The following GBF1 variants were observed in gnomAD, a reference collection of about 807,000 sequenced individuals.
GBF1 encodes golgi brefeldin A resistant guanine nucleotide exchange factor 1.
GBF1 carries 114 observed loss-of-function variants against 210.5 expected under a neutral mutation model. The ratio of observed to expected loss-of-function variants is 0.54; its 90% CI spans 0.47 to 0.63. GBF1 has a LOEUF of 0.63. Among genes scored for constraint, GBF1 ranks in the 30% least tolerant of loss-of-function variants. The pLI, the probability that GBF1 is intolerant of heterozygous loss-of-function variation, is 0.00. For missense variants in GBF1, 1,851 were observed against 2,357.7 expected, an observed-to-expected ratio of 0.79 and a Z score of 4.45; for synonymous variants, 850 against 889.2, an observed-to-expected ratio of 0.96 and a Z score of 0.78.
At chr10:102,353,577 T>G in intron 7 of GBF1, 23 bp from the exon 8 acceptor site, 1 of 1,542,654 alleles carries the variant, frequency 6.5e-7, no homozygotes, top group Non-Finnish European at 9.0e-7. Context: ...CTAATGACAG[T>G]TGATGGATTT....
chr10:102,380,212 A>G, intron 36 of GBF1, 37 bp from the exon 37 acceptor site: 1 of 1,377,958 alleles, frequency 7.3e-7, no homozygotes, highest in Non-Finnish European at 1.0e-6. Flanking sequence ...AGAGGCTCCT[A>G]CAGTCCCCTC....
the GBF1 span, chr10:102,230,859 G>C: frequency 6.2e-7 from 1 of 1,600,092 alleles, no homozygotes; most frequent in Non-Finnish European, 8.5e-7. Flanking sequence ...TGGGTGGCGA[G>C]AAGACGGGCT....
At chr10:102,285,670 GT>G (rs1371210385) in intron 3 of GBF1, among the ~76,000 whole-genome samples, 1 of 151,986 alleles carries the variant, frequency 6.6e-6, no homozygotes, top group African/African-American at 2.4e-5. Context: ...GTTTTAGTTT[GT>G]TTTTCTTTTG....
At chr10:102,369,420 C>G (rs1328308466) in intron 24 of GBF1, 33 bp downstream of exon 24, 2 of 1,535,674 alleles carry the variant, frequency 1.3e-6, no homozygotes, top group Non-Finnish European at 9.0e-7. Flanking sequence ...TGAGCGATAA[C>G]AAGGCAAGAG....
intron 3 of GBF1, among the ~76,000 whole-genome samples, chr10:102,288,875 C>T (rs1017463539): frequency 1.3e-5 from 2 of 151,834 alleles, no homozygotes; most frequent in African/African-American, 2.4e-5. Flanking sequence ...CTGAGGCGGG[C>T]GGATTACTTG....
In GBF1 at chr10:102,326,323, A is replaced by G. The variant is rs74155267; in HGVS notation, c.164-17728A>G. Among the ~76,000 whole-genome samples the G allele has an allele frequency of 6.6e-3, 1,005 of 152,306 alleles. 11 individuals carry two copies. Among genetic ancestry groups the G allele is most frequent in the African/African-American group, 0.019 (794 of 41,558 alleles). Reference sequence around the variant, plus strand: ...GTAACAGGGCTTCAATGAGAATATTATAAGCTACCACCTGAAAACCTCATT... The same window carrying G: ...GTAACAGGGCTTCAATGAGAATATTGTAAGCTACCACCTGAAAACCTCATT... On this transcript the variant is annotated intron_variant, in intron 3 of 39. Transcript: ENST00000369983.
rs778399961 is a variant in GBF1, at chr10:102,366,426, C to T, written c.2353C>T (p.Leu785Phe). ...TCTGCGACTGGACGAAGCCCTCCGCCTCTACCTGGAAGCCTTCCGTTTGCC... is the reference window on the plus strand; with the variant it reads ...TCTGCGACTGGACGAAGCCCTCCGCTTCTACCTGGAAGCCTTCCGTTTGCC... ...QGLRLDEALR[L>F]YLEAFRLPGE... The change falls in exon 19 of 40, where the codon CTC becomes TTC. Residue 785 changes from leucine (L) to phenylalanine (F), a missense_variant. Transcript: ENST00000369983. This position sits in a 1 kb window ranked among gnomAD's most constrained non-coding sequence, Gnocchi z 4.0. 1 of 1,613,900 alleles carries T rather than the reference C, an allele frequency of 6.2e-7. No homozygotes were observed. The highest frequency in any genetic ancestry group is 2.2e-5 in the East Asian group (1 of 44,902).
intron 1 of GBF1, among the ~76,000 whole-genome samples, chr10:102,256,021 C>T (rs898864584): frequency 6.6e-6 from 1 of 152,230 alleles, no homozygotes. Context: ...ACGCGGTTCA[C>T]CGCAGCCTCA....
chr10:102,297,939 G>T (rs150581158), intron 3 of GBF1, among the ~76,000 whole-genome samples: 2,824 of 152,018 alleles, frequency 0.019, 85 homozygotes, highest in African/African-American at 0.064. Context: ...TTGGTTTTTG[G>T]TTTTGGTTTT....
At chr10:102,265,016 C>G (rs991779466) in intron 3 of GBF1, among the ~76,000 whole-genome samples, 2 of 152,096 alleles carry the variant, frequency 1.3e-5, no homozygotes, top group Non-Finnish European at 2.9e-5. Context: ...GCAGCTAGAC[C>G]TTGTGGTAGG....
rs369379169 is a variant in GBF1 at position 102,377,086 on chromosome 10, G to C, written c.4440G>C (p.Glu1480Asp). 1 of 1,614,162 alleles carries C rather than the reference G, an allele frequency of 6.2e-7. No individual in the cohort carries two copies. Among genetic ancestry groups the C allele is most frequent in the East Asian group, 2.2e-5 (1 of 44,866 alleles). ...ASRGGQSDDD[E>D]DEGVPASYHT... ...GGGGCGGGCAGAGTGATGATGATGAGGACGAAGGCGTGCCTGCCAGCTACC... is the reference window on the plus strand; with the variant it reads ...GGGGCGGGCAGAGTGATGATGATGACGACGAAGGCGTGCCTGCCAGCTACC... The change falls in exon 33 of 40, where the codon GAG becomes GAC. Residue 1480 changes from glutamate to aspartate, a missense_variant. By Grantham distance (45) the Glu-to-Asp change is conservative. This residue lies in a region of GBF1 where 967 missense variants were observed against 1,247.7 expected (regional missense o/e 0.78). Coordinates refer to ENST00000369983, the MANE Select transcript of GBF1 (RefSeq NM_001377137.1).
chr10:102,353,421 G>A (rs976914666), intron 7 of GBF1, among the ~76,000 whole-genome samples, 179 bp from the exon 8 acceptor site: 5 of 152,090 alleles, frequency 3.3e-5, no homozygotes, highest in African/African-American at 4.8e-5. Flanking sequence ...CACATCCCCC[G>A]ATTCCTGTGG....
At chr10:102,298,123 C>T (rs2077054317) in intron 3 of GBF1, among the ~76,000 whole-genome samples, 1 of 152,088 alleles carries the variant, frequency 6.6e-6, no homozygotes, top group South Asian at 2.1e-4. Flanking sequence ...TTAGTAGAGA[C>T]GGGGTTTCAC....
At chr10:102,231,150 G>A in the GBF1 span, 2 of 1,460,794 alleles carry the variant, frequency 1.4e-6, no homozygotes, top group Middle Eastern at 1.9e-4. Context: ...GGGTCCCAGC[G>A]GCTGAAGGGC....
intron 1 of GBF1, among the ~76,000 whole-genome samples, chr10:102,247,775 T>C (rs1470655969): frequency 6.6e-6 from 1 of 152,202 alleles, no homozygotes; most frequent in Non-Finnish European, 1.5e-5. Context: ...TATTTGAGCT[T>C]CTTTTTAATG....
At chr10:102,322,601 C>T (rs2056500843) in intron 3 of GBF1, among the ~76,000 whole-genome samples, 2 of 151,230 alleles carry the variant, frequency 1.3e-5, no homozygotes, top group Non-Finnish European at 2.9e-5. Context: ...AGTAGTTCTC[C>T]TTACATGTGG....
In GBF1 at chr10:102,345,822, G is replaced by C. The variant is rs76972221; in HGVS notation, c.295+1640G>C. ...ATTACACTCACAATGTTGTGCAGCC[G>C]TCACCACCATCTATTTCCCAAACAT... On this transcript the variant is annotated intron_variant, in intron 4 of 39. Transcript: ENST00000369983. Among the ~76,000 whole-genome samples the C allele has an allele frequency of 3.6e-3, 545 of 151,898 alleles. 3 individuals carry two copies. The highest frequency in any genetic ancestry group is 0.012 in the African/African-American group (515 of 41,398).
chr10:102,354,979 G>C (rs992711873), intron 8 of GBF1, among the ~76,000 whole-genome samples: 2 of 148,868 alleles, frequency 1.3e-5, no homozygotes, highest in Non-Finnish European at 3.0e-5. Flanking sequence ...ACTCTAGATT[G>C]ATGGAAAGAA....
At chr10:102,273,362 AAAAG>A (rs1425049070) in intron 3 of GBF1, among the ~76,000 whole-genome samples, 2 of 152,180 alleles carry the variant, frequency 1.3e-5, no homozygotes, top group Non-Finnish European at 2.9e-5. Context: ...AAAAATAAAA[AAAAG>A]AAATTATCAG....
Sources: allele counts gnomAD v4.1 joint callset (sites outside exome capture counted in the v4.1 genomes callset), GRCh38; gene constraint gnomAD v4.1.1; regional missense constraint gnomAD v4.1.1; non-coding constraint Gnocchi (gnomAD v3.1); transcripts MANE v1.5; gene names NCBI Gene and HGNC (gene_info 2026-07-23, HGNC 2026-07-21).